The following ATP2B1 variants were observed in gnomAD, a reference collection of about 807,000 sequenced individuals.
ATP2B1 encodes plasma membrane calcium-transporting ATPase 1.
Under a neutral mutation model 124.2 loss-of-function variants are expected in ATP2B1, and 14 were observed. The ratio of observed to expected loss-of-function variants is 0.11; its 90% CI spans 0.07 to 0.18. ATP2B1 has a LOEUF of 0.18. Ranked by LOEUF, ATP2B1 falls within the 10% of genes least tolerant of loss-of-function variation. The pLI is 1.00. For synonymous variants in ATP2B1, 449 were observed against 492.4 expected, an observed-to-expected ratio of 0.91 and a Z score of 1.17; for missense variants, 763 against 1,466.1, an observed-to-expected ratio of 0.52 and a Z score of 7.83.
chr12:89,700,419 T>C (rs562953119), intron 1 of ATP2B1, among the ~76,000 whole-genome samples: 3 of 152,272 alleles, frequency 2.0e-5, no homozygotes, highest in Admixed American at 2.0e-4. Flanking sequence ...GTACCTTAAG[T>C]TCATGAGTCA....
At chr12:89,600,346 TAG>T (rs1458343598) in intron 19 of ATP2B1, among the ~76,000 whole-genome samples, 2 of 152,206 alleles carry the variant, frequency 1.3e-5, no homozygotes, top group Non-Finnish European at 2.9e-5. Flanking sequence ...ATGAAAATGT[TAG>T]ATTTTCTATA....
chr12:89,699,703 C>T (rs995142745), intron 1 of ATP2B1, among the ~76,000 whole-genome samples: 5 of 152,096 alleles, frequency 3.3e-5, no homozygotes, highest in African/African-American at 9.7e-5. Context: ...GGAGTAAAAA[C>T]CAAAACCAAA....
chr12:89,639,804 T>C (rs557867310), intron 3 of ATP2B1, among the ~76,000 whole-genome samples: 41 of 152,220 alleles, frequency 2.7e-4, no homozygotes, highest in African/African-American at 8.9e-4. Flanking sequence ...AGGAAGCAGT[T>C]TGAATTCCAA....
At chr12:89,682,815 G>A (rs911195023) in intron 1 of ATP2B1, among the ~76,000 whole-genome samples, 1 of 152,084 alleles carries the variant, frequency 6.6e-6, no homozygotes, top group South Asian at 2.1e-4. Flanking sequence ...AAAAATCAGA[G>A]GTATTACATA....
intron 8 of ATP2B1, among the ~76,000 whole-genome samples, chr12:89,625,359 G>A (rs930397396): frequency 6.6e-6 from 1 of 152,132 alleles, no homozygotes; most frequent in Non-Finnish European, 1.5e-5. Context: ...TAAGGTGGGA[G>A]GATCACTTGA....
chr12:89,649,273 C>G (rs1884922443), intron 2 of ATP2B1, among the ~76,000 whole-genome samples: 1 of 152,252 alleles, frequency 6.6e-6, no homozygotes, highest in East Asian at 1.9e-4. Context: ...TCAACTACAA[C>G]CTAAGAGTAG....
intron 12 of ATP2B1, among the ~76,000 whole-genome samples, chr12:89,613,128 C>G (rs111481954): frequency 7.9e-5 from 12 of 151,762 alleles, no homozygotes; most frequent in Non-Finnish European, 1.5e-4. Context: ...CACAGGTACA[C>G]GCCACCATGC....
upstream of ATP2B1, chr12:89,709,303 CCGCCACCGCCGCCGAAGCTCG>C (rs1213477348): frequency 2.6e-5 from 4 of 152,494 alleles, no homozygotes; most frequent in South Asian, 3.7e-4. Context: ...GCTGCCACAG[CCGCCACCGCCGCCGAAGCTCG>C]CGCCGCCGCC....
chr12:89,596,666 T>C (rs1592698624), intron 20 of ATP2B1, among the ~76,000 whole-genome samples: 1 of 152,172 alleles, frequency 6.6e-6, no homozygotes, highest in East Asian at 1.9e-4. Context: ...AGTAGTGTCA[T>C]AAAATATTAA....
chr12:89,594,265 T>C (rs968388526), intron 20 of ATP2B1: 4 of 151,894 alleles, frequency 2.6e-5, no homozygotes, highest in African/African-American at 9.7e-5. Context: ...GGCTCACACC[T>C]GCTCTGATCT....
In ATP2B1 at chr12:89,655,532, T is replaced by A. The variant is rs1885849504; in HGVS notation, c.208+147A>T. 8 of 717,836 alleles carry A rather than the reference T, an allele frequency of 1.1e-5. No individual in the cohort carries two copies. In the East Asian group the frequency reaches 2.2e-4, roughly 19 times the overall value. 44.5% of individuals were successfully genotyped at this position (717,836 alleles called of 1,614,324 possible). ...TTAATATAAAAATACTTTAACTGTA[T>A]TAATCTGATAACTAACCCATTTTTA... On this transcript the variant is annotated intron_variant, in intron 2 of 20. Transcript: ENST00000428670.
intron 2 of ATP2B1, among the ~76,000 whole-genome samples, chr12:89,646,174 T>C (rs1428353008): frequency 6.6e-6 from 1 of 151,956 alleles, no homozygotes; most frequent in African/African-American, 2.4e-5. Context: ...ATTTTGAGAA[T>C]TGAAGAATTA....
chr12:89,681,382 A>AT (rs1245235858), intron 1 of ATP2B1, among the ~76,000 whole-genome samples: 374 of 148,478 alleles, frequency 2.5e-3, no homozygotes, highest in African/African-American at 8.9e-3. Context: ...ATCCCTATAA[A>AT]TTTTTTTTTT....
chr12:89,598,778 G>A, intron 20 of ATP2B1: 1 of 1,610,640 alleles, frequency 6.2e-7, no homozygotes, highest in East Asian at 2.2e-5. Context: ...AGCTTGCTCA[G>A]CAAGAGAGAG....
chr12:89,596,520 A>G (rs12312064), intron 20 of ATP2B1, among the ~76,000 whole-genome samples: 2,138 of 152,280 alleles, frequency 0.014, 44 homozygotes, highest in African/African-American at 0.048. Flanking sequence ...TATGGTATCA[A>G]TGTTAAATTT....
intron 1 of ATP2B1, among the ~76,000 whole-genome samples, chr12:89,668,796 C>T (rs539436607): frequency 6.6e-6 from 1 of 152,314 alleles, no homozygotes; most frequent in South Asian, 2.1e-4. Context: ...CATCCCTTCT[C>T]TCATCCATTT....
chr12:89,598,533 C>T (rs962957087), intron 20 of ATP2B1: 93 of 1,523,118 alleles, frequency 6.1e-5, no homozygotes, highest in Non-Finnish European at 7.4e-5. Flanking sequence ...AAATGAGAAA[C>T]GTTAGGTGTG....
intron 1 of ATP2B1, among the ~76,000 whole-genome samples, chr12:89,693,122 G>A (rs372083269): frequency 6.6e-6 from 1 of 152,178 alleles, no homozygotes; most frequent in African/African-American, 2.4e-5. Context: ...TGAATATGAA[G>A]TGATGGCAAC....
chr12:89,708,138 G>A (rs1363024159), intron 1 of ATP2B1, among the ~76,000 whole-genome samples: 1 of 152,156 alleles, frequency 6.6e-6, no homozygotes, highest in African/African-American at 2.4e-5. Context: ...CTGGGGGGCC[G>A]AGGCCAAGGA....
Sources: gnomAD v4.1 joint callset for allele counts (sites outside exome capture counted in the v4.1 genomes callset) on GRCh38, gnomAD v4.1.1 for gene constraint, MANE v1.5 for transcripts, NCBI Gene and HGNC (gene_info 2026-07-23, HGNC 2026-07-21) for gene names.